SORBS2: variants seen among roughly 807,000 people sequenced by gnomAD.
SORBS2 encodes sorbin and SH3 domain-containing protein 2.
A neutral mutation model predicts 97.7 loss-of-function variants in SORBS2; 46 were observed. The ratio of observed to expected loss-of-function variants is 0.47; its 90% CI spans 0.37 to 0.60. The LOEUF (loss-of-function observed/expected upper bound fraction) is 0.60, where lower values mean the gene tolerates loss of function less well. Among genes scored for constraint, SORBS2 ranks in the 20% least tolerant of loss-of-function variants. The probability of loss-of-function intolerance (pLI) is 0.00; values close to 1 mark genes in which losing one functional copy is unlikely to be tolerated. For missense variants in SORBS2, 1,316 were observed against 1,282.3 expected (o/e 1.03, Z -0.40); for synonymous variants, 476 against 473.4 (o/e 1.01, Z -0.07).
chr4:185,927,783 T>C (rs1322516335), intron 1 of SORBS2, among the ~76,000 whole-genome samples: 1 of 152,218 alleles, frequency 6.6e-6, no homozygotes, highest in African/African-American at 2.4e-5. Flanking sequence ...TTCCCAAAAA[T>C]GAATCTTGAT....
chr4:185,707,838 G>C (rs1230170859), intron 2 of SORBS2, among the ~76,000 whole-genome samples: 1 of 152,126 alleles, frequency 6.6e-6, no homozygotes, highest in Non-Finnish European at 1.5e-5. Flanking sequence ...CACAAGAACA[G>C]CACGAGAAAG....
chr4:185,776,310 A>T (rs1164643434), intron 1 of SORBS2, among the ~76,000 whole-genome samples: 1 of 152,216 alleles, frequency 6.6e-6, no homozygotes, highest in Non-Finnish European at 1.5e-5. Context: ...TATTCACATC[A>T]TGGCAGCTGA....
intron 12 of SORBS2, among the ~76,000 whole-genome samples, chr4:185,603,700 C>T (rs1374549919): frequency 6.6e-6 from 1 of 152,146 alleles, no homozygotes; most frequent in Non-Finnish European, 1.5e-5. Context: ...AGAAGGAAAA[C>T]ATTTCAGTGA....
chr4:185,848,726 C>T (rs1033604151), intron 1 of SORBS2, among the ~76,000 whole-genome samples: 1 of 148,380 alleles, frequency 6.7e-6, no homozygotes, highest in African/African-American at 2.5e-5. Flanking sequence ...GATCCCCCTA[C>T]CTCAGCCTCC....
At chr4:185,796,938 T>C (rs1268061917) in intron 1 of SORBS2, among the ~76,000 whole-genome samples, 1 of 149,044 alleles carries the variant, frequency 6.7e-6, no homozygotes, top group African/African-American at 2.5e-5. Flanking sequence ...CTGGTCACGG[T>C]AGGGCTGGGC....
At chr4:185,705,730 A>G (rs2098333485) in intron 2 of SORBS2, among the ~76,000 whole-genome samples, 1 of 152,178 alleles carries the variant, frequency 6.6e-6, no homozygotes, top group African/African-American at 2.4e-5. Flanking sequence ...TCATTTACAG[A>G]CATGATGGAA....
intron 1 of SORBS2, among the ~76,000 whole-genome samples, chr4:185,808,581 G>C (rs1376824424): frequency 6.6e-6 from 1 of 152,126 alleles, no homozygotes; most frequent in Admixed American, 6.5e-5. Context: ...GTGATTCTAA[G>C]AGAATATTCT....
In SORBS2 at chr4:185,946,768, T is replaced by C. The variant is rs185605292; in HGVS notation, c.-338+9428A>G. On this transcript the variant is annotated intron_variant, in intron 1 of 20. Transcript: ENST00000284776. ...AGACATATTTTACAGCACATATCTT[T>C]CAATTAAAGTGCCAAATAAGACAAT... Among the ~76,000 whole-genome samples the C allele has an allele frequency of 9.8e-5, 15 of 152,346 alleles. 1 individual carries two copies. The East Asian group carries it at 2.9e-3, about 29-fold the overall frequency.
chr4:185,739,817 A>T (rs1270092712), intron 2 of SORBS2, among the ~76,000 whole-genome samples: 4 of 152,200 alleles, frequency 2.6e-5, no homozygotes, highest in Non-Finnish European at 5.9e-5. Flanking sequence ...GATTAATGAT[A>T]CACTAAGAAA....
intron 12 of SORBS2, among the ~76,000 whole-genome samples, chr4:185,599,739 A>G (rs1466207128): frequency 1.3e-5 from 2 of 152,234 alleles, no homozygotes; most frequent in Admixed American, 6.5e-5. Context: ...TTTGTAGAGT[A>G]GAGAATCTGA....
chr4:185,711,483 G>C (rs902548305), intron 2 of SORBS2, among the ~76,000 whole-genome samples: 1 of 152,180 alleles, frequency 6.6e-6, no homozygotes, highest in African/African-American at 2.4e-5. Context: ...ATGGTCTCTT[G>C]CTGTACAGCA....
rs12640508 is a variant in SORBS2 at position 185,708,080 on chromosome 4, T to C, written c.-197-29258A>G. ...CCCAGGCTTCTCCTAGGCTTCAGTG[T>C]TAAGGGCACAGTGGGTTCTGGGTGA... On this transcript the variant is annotated intron_variant, in intron 2 of 20. Transcript: ENST00000284776. Among the ~76,000 whole-genome samples, 38 of 152,300 alleles carry C rather than the reference T, an allele frequency of 2.5e-4. 1 individual carries two copies. In the East Asian group the frequency reaches 6.9e-3, roughly 28 times the overall value.
At chr4:185,879,165 T>TTCCCCCCC (rs1554045422) in intron 1 of SORBS2, among the ~76,000 whole-genome samples, 1 of 57,150 alleles carries the variant, frequency 1.7e-5, no homozygotes, top group Non-Finnish European at 3.4e-5. Context: ...ATGCTATCCC[T>TTCCCCCCC]CCCCCCCCCC....
At chr4:185,624,614 T>A in intron 6 of SORBS2, 120 bp from the exon 19 acceptor site, 1 of 1,079,680 alleles carries the variant, frequency 9.3e-7, no homozygotes, top group Non-Finnish European at 1.3e-6. Context: ...GCAGTTAGTG[T>A]GTTTTAATCT....
intron 1 of SORBS2, among the ~76,000 whole-genome samples, chr4:185,937,950 T>C (rs11930217): frequency 0.082 from 12,459 of 151,864 alleles, 887 homozygotes; most frequent in African/African-American, 0.2. Flanking sequence ...CTCACACCAC[T>C]ACTGCTGTTC....
chr4:185,786,888 G>A (rs112018703), intron 1 of SORBS2, among the ~76,000 whole-genome samples: 16,070 of 150,918 alleles, frequency 0.11, 1,222 homozygotes, highest in Non-Finnish European at 0.16. Context: ...GCTTGAACTC[G>A]GGAGGTGGAG....
chr4:185,795,174 T>G (rs2153651569), intron 1 of SORBS2, among the ~76,000 whole-genome samples: 1 of 152,314 alleles, frequency 6.6e-6, no homozygotes, highest in South Asian at 2.1e-4. Context: ...TGGAATTGCC[T>G]TTTCATCTTG....
At chr4:185,645,081 GA>G (rs2097185986) in intron 4 of SORBS2, among the ~76,000 whole-genome samples, 1 of 152,156 alleles carries the variant, frequency 6.6e-6, no homozygotes, top group South Asian at 2.1e-4. Flanking sequence ...TTTACTGAAT[GA>G]CTAAATAATA....
exon 1 of SORBS2, chr4:185,656,756 C>T (rs912018393): frequency 3.0e-5 from 45 of 1,523,634 alleles, no homozygotes; most frequent in Middle Eastern, 1.7e-4. Flanking sequence ...TGCGTTTTGC[C>T]GGAAGGGGCT....
Sources: gnomAD v4.1 joint callset for allele counts (sites outside exome capture counted in the v4.1 genomes callset) on GRCh38, gnomAD v4.1.1 for gene constraint, MANE v1.5 for transcripts, NCBI Gene and HGNC (gene_info 2026-07-23, HGNC 2026-07-21) for gene names.